The following ARAP1 variants were observed in gnomAD, a reference collection of about 807,000 sequenced individuals.
The protein encoded by ARAP1 is ArfGAP with RhoGAP domain, ankyrin repeat and PH domain 1, also known as arf-GAP with Rho-GAP domain, ANK repeat and PH domain-containing protein 1.
A neutral mutation model predicts 172.2 loss-of-function variants in ARAP1; 76 were observed. The ratio of observed to expected loss-of-function variants is 0.44; its 90% CI spans 0.37 to 0.53. The LOEUF (loss-of-function observed/expected upper bound fraction) is 0.53, where lower values mean the gene tolerates loss of function less well. ARAP1 is among the 20% of genes least tolerant of loss of function. The pLI is 0.00. For missense variants in ARAP1, 1,686 were observed against 1,977.5 expected (o/e 0.85, Z 2.80); for synonymous variants, 804 against 803.3 (o/e 1.00, Z -0.01).
chr11:72,752,135 CT>C (rs1354143832), intron 1 of ARAP1, among the ~76,000 whole-genome samples, 192 bp downstream of exon 1: 4 of 152,250 alleles, frequency 2.6e-5, no homozygotes, highest in Admixed American at 1.3e-4. Flanking sequence ...CCCCCCTTCC[CT>C]ACCGTCTCTG....
chr11:72,703,841 A>C (rs1004201089), intron 14 of ARAP1: 9 of 378,194 alleles, frequency 2.4e-5, no homozygotes, highest in African/African-American at 1.7e-4. Flanking sequence ...TAGCATCCCC[A>C]TCAAGTTCAC....
Position 72,703,050 on chromosome 11 carries a change from G to T in ARAP1, c.2022C>A (p.Asp674Glu). The change falls in exon 15 of 35, where the codon GAC becomes GAA. Residue 674 changes from aspartate (D) to glutamate (E), a missense_variant. Transcript: ENST00000393609. ...CCAGGAGCGCCTGGGTCTCAGCCAG[G>T]TCTGTGGTGGTGACTGCAGCACACA... Reference protein sequence around the residue: ...KALCAAVTTTDLAETQALLGC... With the variant: ...KALCAAVTTTELAETQALLGC... 6.3e-7 allele frequency: 1 copy of T among 1,596,112 alleles called. No homozygotes were observed. Among genetic ancestry groups the T allele is most frequent in the Non-Finnish European group, 8.5e-7 (1 of 1,172,862 alleles).
intron 13 of ARAP1, chr11:72,705,093 GAGGTGAGA>G (rs1856694376): frequency 6.6e-6 from 1 of 152,316 alleles, no homozygotes; most frequent in Non-Finnish European, 1.5e-5. Context: ...ACACCGTGGG[GAGGTGAGA>G]AACGGATGTG....
In ARAP1 at chr11:72,710,350, A is replaced by G; in HGVS notation, c.1416+35T>C. Reference sequence around the variant, plus strand: ...TCAGCCTGGGGCAGGGTAGGTGGACATGGGCAGGGGAGAGGTTCCATGACC... The same window carrying G: ...TCAGCCTGGGGCAGGGTAGGTGGACGTGGGCAGGGGAGAGGTTCCATGACC... On this transcript the variant is annotated intron_variant, in intron 10 of 34. Transcript: ENST00000393609. The surrounding 1 kb of genome is among the most constrained non-coding windows in gnomAD (Gnocchi z 4.3). The G allele has an allele frequency of 6.2e-7, 1 of 1,610,138 alleles. No individual in the cohort carries two copies. Among genetic ancestry groups the G allele is most frequent in the Admixed American group, 1.7e-5 (1 of 59,904 alleles).
At chr11:72,740,849 C>T (rs1416412216) in intron 1 of ARAP1, among the ~76,000 whole-genome samples, 1 of 152,156 alleles carries the variant, frequency 6.6e-6, no homozygotes, top group Non-Finnish European at 1.5e-5. Flanking sequence ...AAGACACCAT[C>T]AGACCCCACC....
intron 1 of ARAP1, among the ~76,000 whole-genome samples, chr11:72,737,444 C>G (rs930137194): frequency 6.6e-6 from 1 of 152,140 alleles, no homozygotes; most frequent in African/African-American, 2.4e-5. Flanking sequence ...CCCAGCCCAG[C>G]AACTCCATGG....
In ARAP1 at chr11:72,699,208, T is replaced by G. The variant is rs1856358983; in HGVS notation, c.2439-101A>C. The G allele has an allele frequency of 4.8e-6, 7 of 1,448,418 alleles. No individual in the cohort carries two copies. Among genetic ancestry groups the G allele is most frequent in the Non-Finnish European group, 6.7e-6 (7 of 1,044,660 alleles). 89.7% of individuals were successfully genotyped at this position (1,448,418 alleles called of 1,614,324 possible). ...CATCCTCTGCCCCCTCCGCACTGCC[T>G]TGGCGCTTGTCCTTATTCTGGTCCC... is the stretch of plus-strand genomic sequence containing the variant. On this transcript the variant is annotated intron_variant, in intron 17 of 34. Coordinates refer to ENST00000393609, the MANE Select transcript of ARAP1 (RefSeq NM_001040118.3). The surrounding 1 kb of genome is among the most constrained non-coding windows in gnomAD (Gnocchi z 4.2).
At chr11:72,740,577 T>C (rs565643031) in intron 1 of ARAP1, among the ~76,000 whole-genome samples, 1 of 152,322 alleles carries the variant, frequency 6.6e-6, no homozygotes, top group East Asian at 1.9e-4. Flanking sequence ...ATAACATGCA[T>C]AGATTACTAA....
chr11:72,686,313 G>A, intron 33 of ARAP1, 122 bp from the exon 34 acceptor site: 1 of 1,275,832 alleles, frequency 7.8e-7, no homozygotes. Flanking sequence ...CCTCAGCTTT[G>A]ATCCCCGCCG....
chr11:72,714,339 G>A lies in ARAP1; in HGVS notation c.510-18C>T. The A allele has an allele frequency of 1.3e-6, 2 of 1,543,820 alleles. No homozygotes were observed. Among genetic ancestry groups the A allele is most frequent in the Non-Finnish European group, 1.7e-6 (2 of 1,143,648 alleles). On this transcript the variant is annotated intron_variant, in intron 3 of 34. Coordinates refer to ENST00000393609, the MANE Select transcript of ARAP1 (RefSeq NM_001040118.3). ...TGGGCAGGCTGGGAACACAACAAAA[G>A]TTGGGCATCACTAAGCAACAGAGCC...
chr11:72,691,612 T>C (rs1396656324), intron 30 of ARAP1, among the ~76,000 whole-genome samples: 2 of 151,816 alleles, frequency 1.3e-5, no homozygotes, highest in Admixed American at 1.3e-4. Context: ...GGAGATGAGG[T>C]CCTGCTCTAT....
In ARAP1 at chr11:72,685,516, T is replaced by C; in HGVS notation, c.*148A>G. On this transcript the variant is annotated 3_prime_UTR_variant, in exon 35 of 35. Transcript: ENST00000393609. ...CTCCCACCCCTGCCGGGGAACCCCA[T>C]GCTGCAGTCAGGATGGAGGATGTGG... is the stretch of plus-strand genomic sequence containing the variant. 2.6e-6 allele frequency: 3 copies of C among 1,147,436 alleles called. No individual in the cohort carries two copies. Among genetic ancestry groups the C allele is most frequent in the South Asian group, 2.7e-5 (2 of 75,142 alleles). 71.1% of individuals were successfully genotyped at this position (1,147,436 alleles called of 1,614,324 possible). A position where few individuals can be genotyped will look rare whatever the true frequency, so the allele number is the denominator to read the frequency against.
At position 72,693,671 on chromosome 11, in the gene ARAP1, C is replaced by G. The variant is rs373499570; in HGVS notation, c.3808+21G>C. The G allele has an allele frequency of 4.4e-4, 690 of 1,582,760 alleles. 2 individuals are homozygous for G. Among genetic ancestry groups the G allele is most frequent in the Non-Finnish European group, 5.5e-4 (645 of 1,163,368 alleles). ...AAGAGAGGACCACCCGGAGCCTGGC[C>G]ACCCTGCAGGCACCACCTACCCAGG... On this transcript the variant is annotated intron_variant, in intron 28 of 34. Coordinates refer to ENST00000393609, the MANE Select transcript of ARAP1 (RefSeq NM_001040118.3). The surrounding 1 kb of genome is among the most constrained non-coding windows in gnomAD (Gnocchi z 4.6).
Position 72,726,393 on chromosome 11 carries a change from T to C in ARAP1, c.509+227A>G, listed in dbSNP as rs983615731. Among the ~76,000 whole-genome samples the C allele has an allele frequency of 6.6e-6, 1 of 152,136 alleles. No individual in the cohort carries two copies. The highest frequency in any genetic ancestry group is 6.5e-5 in the Admixed American group (1 of 15,270). ...CACCCAAGACAGAAACCTGGAGGCC[T>C]CACTGGCACACGCCCAGCAGCCCAG... On this transcript the variant is annotated intron_variant, in intron 3 of 34. Coordinates refer to ENST00000393609, the MANE Select transcript of ARAP1 (RefSeq NM_001040118.3). The surrounding 1 kb of genome is among the most constrained non-coding windows in gnomAD (Gnocchi z 6.5).
intron 3 of ARAP1, among the ~76,000 whole-genome samples, chr11:72,721,013 C>A (rs1857485308): frequency 6.6e-6 from 1 of 152,114 alleles, no homozygotes; most frequent in Non-Finnish European, 1.5e-5. Flanking sequence ...AGGGCAGCAG[C>A]AGGAGGAAGT....
Position 72,696,807 on chromosome 11 carries a change from C to A in ARAP1, c.3167-153G>T, listed in dbSNP as rs1390222697. The A allele has an allele frequency of 2.4e-5, 23 of 944,142 alleles. No individual in the cohort carries two copies. The East Asian group carries it at 5.3e-4, about 22-fold the overall frequency. 58.5% of individuals were successfully genotyped at this position (944,142 alleles called of 1,614,324 possible). A position where few individuals can be genotyped will look rare whatever the true frequency, so the allele number is the denominator to read the frequency against. On this transcript the variant is annotated intron_variant, in intron 22 of 34. Transcript: ENST00000393609. ...GCATTCAACCAGGGTAAGGAACTCT[C>A]GGTCTTCCAGGGCCCCTGGCTCTGT...
chr11:72,726,476 C>A lies in ARAP1; in HGVS notation c.509+144G>T. 1.7e-6 allele frequency: 2 copies of A among 1,146,528 alleles called. No homozygotes were observed. Among genetic ancestry groups the A allele is most frequent in the Non-Finnish European group, 2.4e-6 (2 of 836,376 alleles). 71.0% of individuals were successfully genotyped at this position (1,146,528 alleles called of 1,614,324 possible). A position where few individuals can be genotyped will look rare whatever the true frequency, so the allele number is the denominator to read the frequency against. On this transcript the variant is annotated intron_variant, in intron 3 of 34. Transcript: ENST00000393609. The surrounding 1 kb of genome is among the most constrained non-coding windows in gnomAD (Gnocchi z 6.5). ...TCCTCCTGAGTCACCAGACAGCAAT[C>A]CTGTCCTCCGAGCTTTGCACACGCT...
At chr11:72,748,591 T>C (rs919049345) in intron 1 of ARAP1, among the ~76,000 whole-genome samples, 3 of 152,106 alleles carry the variant, frequency 2.0e-5, no homozygotes, top group African/African-American at 7.2e-5. Context: ...ACTCTTTGAC[T>C]GTCCCAGTGG....
At chr11:72,717,774 G>C (rs554356558) in intron 3 of ARAP1, among the ~76,000 whole-genome samples, 1 of 152,214 alleles carries the variant, frequency 6.6e-6, no homozygotes, top group Non-Finnish European at 1.5e-5. Flanking sequence ...TGTAAGGCTT[G>C]TCATGATTCC....
Sources: gnomAD v4.1 joint callset for allele counts (sites outside exome capture counted in the v4.1 genomes callset) on GRCh38, gnomAD v4.1.1 for gene constraint, Gnocchi (gnomAD v3.1) non-coding constraint, MANE v1.5 for transcripts, NCBI Gene and HGNC (gene_info 2026-07-23, HGNC 2026-07-21) for gene names.